Variants in ARHGAP24 observed in about 807,000 individuals in gnomAD.
ARHGAP24 encodes Rho GTPase activating protein 24.
A neutral mutation model predicts 76.4 loss-of-function variants in ARHGAP24; 50 were observed. The observed-to-expected ratio is 0.65, with a 90% CI of 0.52 to 0.83. ARHGAP24 has a LOEUF of 0.83. Ranked by LOEUF, ARHGAP24 falls within the 40% of genes least tolerant of loss-of-function variation. The probability of loss-of-function intolerance (pLI) is 0.00; values close to 1 mark genes in which losing one functional copy is unlikely to be tolerated. For missense variants in ARHGAP24, 930 were observed against 914.2 expected (o/e 1.02, Z -0.22); for synonymous variants, 345 against 323.3 (o/e 1.07, Z -0.72).
intron 8 of ARHGAP24, among the ~76,000 whole-genome samples, chr4:85,983,137 G>A (rs752939800): frequency 1.4e-4 from 22 of 152,130 alleles, no homozygotes; most frequent in Non-Finnish European, 2.8e-4. Flanking sequence ...AGTATTCCGT[G>A]ATGTATATGT....
intron 3 of ARHGAP24, among the ~76,000 whole-genome samples, chr4:85,813,882 T>C (rs1560647206): frequency 6.7e-6 from 1 of 149,504 alleles, no homozygotes; most frequent in African/African-American, 2.5e-5. Context: ...TTCATGCTGC[T>C]GATAAAGACA....
At chr4:85,608,018 G>A (rs796852136) in intron 2 of ARHGAP24, among the ~76,000 whole-genome samples, 4 of 152,124 alleles carry the variant, frequency 2.6e-5, no homozygotes, top group African/African-American at 9.6e-5. Context: ...AGAGGTAGGG[G>A]AAAGCTAAGG....
chr4:85,748,499 C>T (rs1726135706), intron 3 of ARHGAP24, among the ~76,000 whole-genome samples: 2 of 152,038 alleles, frequency 1.3e-5, no homozygotes, highest in Non-Finnish European at 2.9e-5. Context: ...CTCAGTTGTT[C>T]CTGATAACAA....
chr4:85,930,841 T>A, intron 4 of ARHGAP24: 2 of 1,593,134 alleles, frequency 1.3e-6, no homozygotes, highest in Non-Finnish European at 1.7e-6. Context: ...AAATAACAAG[T>A]AAACAAGCAT....
At chr4:85,820,142 C>G (rs541311460) in intron 3 of ARHGAP24, among the ~76,000 whole-genome samples, 1 of 152,064 alleles carries the variant, frequency 6.6e-6, no homozygotes, top group South Asian at 2.1e-4. Context: ...AGGTATGTAC[C>G]CAAAGGAATA....
intron 2 of ARHGAP24, among the ~76,000 whole-genome samples, chr4:85,625,400 C>G (rs1199421763): frequency 1.3e-5 from 2 of 152,148 alleles, no homozygotes; most frequent in African/African-American, 4.8e-5. Context: ...GTTTCTTAAT[C>G]CTGAGCTCTA....
intron 9 of ARHGAP24, among the ~76,000 whole-genome samples, chr4:85,998,678 T>G (rs1740827048): frequency 6.6e-6 from 1 of 152,198 alleles, no homozygotes; most frequent in African/African-American, 2.4e-5. Context: ...GTAACTTTTC[T>G]CAGACCTGTT....
chr4:85,969,501 C>A (rs912853246), intron 5 of ARHGAP24, among the ~76,000 whole-genome samples: 2 of 151,368 alleles, frequency 1.3e-5, no homozygotes, highest in African/African-American at 4.9e-5. Context: ...ATATTCTTTT[C>A]TTTCTGTACT....
intron 3 of ARHGAP24, among the ~76,000 whole-genome samples, chr4:85,875,607 T>TTA (rs35658349): frequency 8.4e-6 from 1 of 119,124 alleles, no homozygotes; most frequent in South Asian, 2.2e-4. Flanking sequence ...TATTTTTATA[T>TTA]TATATATATG....
At chr4:85,991,558 T>C (rs1211129280) in intron 8 of ARHGAP24, 2 of 152,094 alleles carry the variant, frequency 1.3e-5, no homozygotes, top group East Asian at 3.8e-4. Context: ...GCAACATAAA[T>C]GTCAAAAGTG....
chr4:85,583,573 A>G (rs1294090259), intron 2 of ARHGAP24, among the ~76,000 whole-genome samples: 13 of 152,102 alleles, frequency 8.5e-5, no homozygotes, highest in Admixed American at 4.6e-4. Flanking sequence ...AGTGGCAACA[A>G]AAGACAAAAT....
intron 4 of ARHGAP24, among the ~76,000 whole-genome samples, chr4:85,932,235 T>C (rs1382936893): frequency 6.6e-6 from 1 of 151,482 alleles, no homozygotes; most frequent in East Asian, 1.9e-4. Context: ...TACCATAGGA[T>C]TGCATCATTG....
chr4:85,482,895 G>A (rs1458329243), intron 1 of ARHGAP24, among the ~76,000 whole-genome samples: 1 of 152,066 alleles, frequency 6.6e-6, no homozygotes, highest in African/African-American at 2.4e-5. Context: ...TCAAATTAAA[G>A]TATCTCACTC....
rs70948733 is a variant in ARHGAP24, at chr4:85,541,142, C to CTTT, written c.-20-29353_-20-29351dup. On this transcript the variant is annotated intron_variant, in intron 1 of 9. Transcript: ENST00000395184. ...TGTGTCTTCTGCTAGCATCCATGAC[C>CTTT]TTTTTTTTTTTTTTTTTTTTTTTTT... Among the ~76,000 whole-genome samples, 102 of 49,776 alleles carry CTTT rather than the reference C, an allele frequency of 2.0e-3. 21 individuals carry two copies. The highest frequency in any genetic ancestry group is 0.01 in the East Asian group (14 of 1,400). The allele number at this position is 49,776 out of a possible 152,430, so 32.7% of individuals were successfully genotyped here.
intron 2 of ARHGAP24, among the ~76,000 whole-genome samples, chr4:85,700,979 C>A (rs926510263): frequency 6.6e-6 from 1 of 151,972 alleles, no homozygotes; most frequent in African/African-American, 2.4e-5. Context: ...TTGAGAAATC[C>A]TTCCCCTTGG....
chr4:85,888,274 A>G (rs1352234603), intron 3 of ARHGAP24, among the ~76,000 whole-genome samples: 1 of 151,986 alleles, frequency 6.6e-6, no homozygotes, highest in South Asian at 2.1e-4. Context: ...GGTGGCGCAC[A>G]CTTGTAATCC....
intron 2 of ARHGAP24, among the ~76,000 whole-genome samples, chr4:85,652,354 A>T (rs1334210657): frequency 6.6e-6 from 1 of 152,304 alleles, no homozygotes; most frequent in East Asian, 1.9e-4. Flanking sequence ...CCGTCTATGA[A>T]ATGGAGTATA....
intron 3 of ARHGAP24, among the ~76,000 whole-genome samples, chr4:85,766,596 A>G (rs965363534): frequency 6.6e-6 from 1 of 152,112 alleles, no homozygotes. Context: ...TATTGGCAGA[A>G]TATGCACATG....
intron 2 of ARHGAP24, among the ~76,000 whole-genome samples, chr4:85,596,091 A>G (rs1327284537): frequency 6.6e-6 from 1 of 151,612 alleles, no homozygotes; most frequent in African/African-American, 2.4e-5. Flanking sequence ...TTTCTTACCT[A>G]TCTAGTATTG....
Sources: allele counts gnomAD v4.1 joint callset (sites outside exome capture counted in the v4.1 genomes callset), GRCh38; gene constraint gnomAD v4.1.1; transcripts MANE v1.5; gene names NCBI Gene and HGNC (gene_info 2026-07-23, HGNC 2026-07-21).